PEAK1: variants seen among roughly 807,000 people sequenced by gnomAD.
The protein encoded by PEAK1 is inactive tyrosine-protein kinase PEAK1.
Under a neutral mutation model 124.7 loss-of-function variants are expected in PEAK1, and 54 were observed. The ratio of observed to expected loss-of-function variants is 0.43; its 90% CI spans 0.35 to 0.54. PEAK1 has a LOEUF of 0.54. Among genes scored for constraint, PEAK1 ranks in the 20% least tolerant of loss-of-function variants. PEAK1 has a pLI of 0.01. For synonymous variants in PEAK1, 719 were observed against 760.0 expected (o/e 0.95, Z 0.89); for missense variants, 2,046 against 2,134.5 (o/e 0.96, Z 0.82).
chr15:77,107,644 A>G (rs920449680), downstream of PEAK1: 7 of 152,258 alleles, frequency 4.6e-5, no homozygotes, highest in African/African-American at 7.2e-5. Flanking sequence ...GCGCTGCTGA[A>G]GTGTCCACAC....
At chr15:77,408,090 T>TAC (rs1251284826) in intron 1 of PEAK1, among the ~76,000 whole-genome samples, 2 of 150,214 alleles carry the variant, frequency 1.3e-5, no homozygotes, top group East Asian at 1.9e-4. Flanking sequence ...TACACATATA[T>TAC]ACACACACAT....
At chr15:77,214,394 A>G (rs1176820159) in intron 6 of PEAK1, among the ~76,000 whole-genome samples, 1 of 151,740 alleles carries the variant, frequency 6.6e-6, no homozygotes, top group Admixed American at 6.6e-5. Context: ...AGGTGGGCAG[A>G]TCATGAGGTC....
intron 7 of PEAK1, among the ~76,000 whole-genome samples, chr15:77,160,549 G>A (rs1348729777): frequency 6.6e-6 from 1 of 151,996 alleles, no homozygotes; most frequent in Non-Finnish European, 1.5e-5. Context: ...GGTGGTGCAC[G>A]CCTGTAGTTT....
intron 6 of PEAK1, among the ~76,000 whole-genome samples, chr15:77,210,875 G>GC (rs1242292154): frequency 6.6e-6 from 1 of 152,176 alleles, no homozygotes; most frequent in Non-Finnish European, 1.5e-5. Flanking sequence ...GGGCGACAGA[G>GC]CAAGTCTCTG....
intron 6 of PEAK1, among the ~76,000 whole-genome samples, chr15:77,203,145 TGAG>T (rs1265901819): frequency 6.6e-6 from 1 of 151,814 alleles, no homozygotes; most frequent in South Asian, 2.1e-4. Context: ...TTGAGTAGGC[TGAG>T]GAGGAGGAAG....
At chr15:77,261,706 C>G (rs866301854) in intron 5 of PEAK1, among the ~76,000 whole-genome samples, 6 of 152,156 alleles carry the variant, frequency 3.9e-5, no homozygotes, top group South Asian at 2.1e-4. Context: ...TCCAGGAGAA[C>G]TTCCCCAATC....
chr15:77,313,644 A>ATGTGTGTGTGTGTGTGTGTG (rs1166778709), intron 2 of PEAK1, among the ~76,000 whole-genome samples: 4 of 75,404 alleles, frequency 5.3e-5, no homozygotes, highest in South Asian at 4.1e-4. Flanking sequence ...GTATGTATGT[A>ATGTGTGTGTGTGTGTGTGTG]TGTATGTATG....
intron 1 of PEAK1, chr15:77,417,669 C>T (rs1234939904): frequency 1.0e-6 from 1 of 985,282 alleles, no homozygotes; most frequent in African/African-American, 1.7e-5. Context: ...TATGATTTGG[C>T]AGGTATCAAC....
At chr15:77,202,769 A>G (rs1159441786) in intron 6 of PEAK1, among the ~76,000 whole-genome samples, 1 of 137,906 alleles carries the variant, frequency 7.3e-6, no homozygotes, top group African/African-American at 3.0e-5. Flanking sequence ...ACTCCATCTC[A>G]AAAAAAAAAA....
rs1234202272 is a variant in PEAK1, at chr15:77,180,407, G to A, written c.1520C>T (p.Ser507Phe). ...KTKSSSSTPN[S>F]PVTSSSLTPG... is the part of the protein sequence containing the mutation. Reference sequence around the variant, plus strand: ...TGTCAATGAAGATGATGTAACTGGAGAGTTTGGAGTAGAGGATGAGCTTTT... The same window carrying A: ...TGTCAATGAAGATGATGTAACTGGAAAGTTTGGAGTAGAGGATGAGCTTTT... Residue 507 changes from serine (S) to phenylalanine (F), a missense_variant, in exon 7 of 10, where the codon TCT (serine) becomes TTT (phenylalanine). Transcript: ENST00000682557. 6.2e-7 allele frequency: 1 copy of A among 1,614,144 alleles called. No individual in the cohort carries two copies. Among genetic ancestry groups the A allele is most frequent in the South Asian group, 1.1e-5 (1 of 91,076 alleles).
At chr15:77,107,000 G>A (rs2050761297), downstream of PEAK1, 2 of 152,210 alleles carry the variant, frequency 1.3e-5, no homozygotes, top group Non-Finnish European at 2.9e-5. Flanking sequence ...CACTCAGTCA[G>A]TACTGAATCA....
chr15:77,345,490 T>C (rs1338890104), intron 2 of PEAK1, among the ~76,000 whole-genome samples: 1 of 152,190 alleles, frequency 6.6e-6, no homozygotes, highest in Non-Finnish European at 1.5e-5. Context: ...AAAAAGGAGA[T>C]ATTGAGTAGA....
chr15:77,223,682 C>A (rs1156519837), intron 6 of PEAK1, among the ~76,000 whole-genome samples: 1 of 151,970 alleles, frequency 6.6e-6, no homozygotes. Flanking sequence ...TGCATTTGAC[C>A]ATAGAGAGAA....
At chr15:77,418,639 G>C in intron 1 of PEAK1, 1 of 985,264 alleles carries the variant, frequency 1.0e-6, no homozygotes, top group Non-Finnish European at 1.2e-6. Context: ...AAGTAATTAG[G>C]GTCGTCAGTG....
In PEAK1 at chr15:77,181,882, A is replaced by G. The variant is rs750681889; in HGVS notation, c.45T>C (p.Gly15=). 3 of 1,600,746 alleles carry G rather than the reference A, an allele frequency of 1.9e-6. No homozygotes were observed. The highest frequency in any genetic ancestry group is 2.7e-5 in the African/African-American group (2 of 74,488). Residue 15 remains glycine (G), a synonymous_variant, in exon 7 of 10, where the codon GGT becomes GGC. Transcript: ENST00000682557. The part of the protein sequence containing the change: ...NTFTEHVWKP[G]ECKNCFKPKS... ...TAGGTTTAAAGCAATTCTTGCATTC[A>G]CCAGGTTTCCAAACATGTTCAGTAA...
At chr15:77,222,246 A>G (rs925303848) in intron 6 of PEAK1, among the ~76,000 whole-genome samples, 1 of 152,052 alleles carries the variant, frequency 6.6e-6, no homozygotes, top group African/African-American at 2.4e-5. Flanking sequence ...AAATCACAAA[A>G]TTTGTTTCTC....
chr15:77,283,079 G>A (rs1449402684), intron 5 of PEAK1, among the ~76,000 whole-genome samples: 1 of 152,174 alleles, frequency 6.6e-6, no homozygotes, highest in African/African-American at 2.4e-5. Context: ...GCTCTGTAGG[G>A]CAGGGCATCA....
intron 5 of PEAK1, among the ~76,000 whole-genome samples, chr15:77,261,717 T>G (rs1432975951): frequency 6.6e-6 from 1 of 152,166 alleles, no homozygotes; most frequent in Non-Finnish European, 1.5e-5. Flanking sequence ...TTCCCCAATC[T>G]AGCAAGGCAG....
chr15:77,235,787 G>C (rs920009353), intron 6 of PEAK1, among the ~76,000 whole-genome samples: 14 of 152,190 alleles, frequency 9.2e-5, no homozygotes, highest in African/African-American at 3.4e-4. Context: ...TTGTGGGCTG[G>C]GCCCAAGGTC....
Sources: allele counts gnomAD v4.1 joint callset (sites outside exome capture counted in the v4.1 genomes callset), GRCh38; gene constraint gnomAD v4.1.1; transcripts MANE v1.5; gene names NCBI Gene and HGNC (gene_info 2026-07-23, HGNC 2026-07-21).